The following B3GALT1 variants were observed in gnomAD, a reference collection of about 807,000 sequenced individuals.
B3GALT1 encodes beta-1,3-galactosyltransferase 1.
In B3GALT1, 10 loss-of-function variants were observed where a neutral mutation model predicts 23.2. The observed-to-expected ratio is 0.43, with a 90% CI of 0.27 to 0.73. The LOEUF (loss-of-function observed/expected upper bound fraction) is 0.73, where lower values mean the gene tolerates loss of function less well. Among genes scored for constraint, B3GALT1 ranks in the 30% least tolerant of loss-of-function variants. B3GALT1 has a pLI of 0.21. For synonymous variants in B3GALT1, 156 were observed against 141.5 expected (o/e 1.10, Z -0.73); for missense variants, 299 against 405.4 (o/e 0.74, Z 2.25).
intron 4 of B3GALT1, among the ~76,000 whole-genome samples, chr2:167,833,991 A>G (rs759015848): frequency 5.9e-5 from 9 of 152,204 alleles, no homozygotes; most frequent in Non-Finnish European, 7.3e-5. Flanking sequence ...AACAAGCTCA[A>G]TGTTGTTGGA....
chr2:167,446,656 G>T (rs1699000123), intron 1 of B3GALT1, among the ~76,000 whole-genome samples: 1 of 152,106 alleles, frequency 6.6e-6, no homozygotes, highest in African/African-American at 2.4e-5. Context: ...GATCAAATCG[G>T]CTACTGAAGC....
chr2:167,551,472 G>C (rs924312782), intron 2 of B3GALT1, among the ~76,000 whole-genome samples: 18 of 152,148 alleles, frequency 1.2e-4, no homozygotes, highest in African/African-American at 4.3e-4. Context: ...TCACATTTTA[G>C]TCTTCATGGA....
chr2:167,705,983 A>C (rs912294401), intron 3 of B3GALT1, among the ~76,000 whole-genome samples: 1 of 152,226 alleles, frequency 6.6e-6, no homozygotes, highest in African/African-American at 2.4e-5. Context: ...TAGAGGCAAG[A>C]GGACCCATAC....
At chr2:167,485,906 A>C (rs530053893) in intron 1 of B3GALT1, among the ~76,000 whole-genome samples, 1 of 152,208 alleles carries the variant, frequency 6.6e-6, no homozygotes. Flanking sequence ...TTGTCTTAGC[A>C]TTAGATACAA....
intron 2 of B3GALT1, among the ~76,000 whole-genome samples, chr2:167,589,698 T>A (rs1684642321): frequency 6.6e-6 from 1 of 152,140 alleles, no homozygotes; most frequent in Admixed American, 6.5e-5. Flanking sequence ...GGATTTTTAT[T>A]AGGCTACATT....
intron 1 of B3GALT1, among the ~76,000 whole-genome samples, chr2:167,293,894 G>A (rs1312634313): frequency 6.9e-6 from 1 of 144,504 alleles, no homozygotes; most frequent in Non-Finnish European, 1.5e-5. Flanking sequence ...AAAAGTAACT[G>A]TTGGTCCACA....
At chr2:167,441,517 A>G (rs1416397820) in intron 1 of B3GALT1, among the ~76,000 whole-genome samples, 2 of 152,096 alleles carry the variant, frequency 1.3e-5, no homozygotes, top group Admixed American at 6.5e-5. Flanking sequence ...CTTACATTTT[A>G]TATGGTTTCT....
intron 4 of B3GALT1, among the ~76,000 whole-genome samples, chr2:167,839,784 C>A (rs1442362409): frequency 6.6e-6 from 1 of 152,140 alleles, no homozygotes; most frequent in Non-Finnish European, 1.5e-5. Flanking sequence ...AACTATACTA[C>A]AAGGCTACAG....
chr2:167,568,524 A>C (rs989232198), intron 2 of B3GALT1, among the ~76,000 whole-genome samples: 1 of 152,002 alleles, frequency 6.6e-6, no homozygotes, highest in Non-Finnish European at 1.5e-5. Flanking sequence ...ATTGCTCTTG[A>C]ATGTCTTCTT....
intron 2 of B3GALT1, among the ~76,000 whole-genome samples, chr2:167,638,745 G>A (rs1685602613): frequency 6.6e-6 from 1 of 151,878 alleles, no homozygotes; most frequent in Admixed American, 6.6e-5. Flanking sequence ...CTATATTCAT[G>A]GTAAATAAGA....
At chr2:167,825,437 G>GGTGT (rs111721100) in intron 4 of B3GALT1, among the ~76,000 whole-genome samples, 24,062 of 144,446 alleles carry the variant, frequency 0.17, 2,111 homozygotes, top group Middle Eastern at 0.23. Flanking sequence ...TATATGCAGG[G>GGTGT]GTGTGTGTGT....
At chr2:167,865,664 T>C (rs983668319) in intron 4 of B3GALT1, among the ~76,000 whole-genome samples, 12 of 151,632 alleles carry the variant, frequency 7.9e-5, no homozygotes, top group African/African-American at 2.4e-4. Context: ...TGGTGGCGGG[T>C]GCCTGTAGTC....
At chr2:167,584,447 C>T (rs1183183393) in intron 2 of B3GALT1, among the ~76,000 whole-genome samples, 1 of 152,198 alleles carries the variant, frequency 6.6e-6, no homozygotes, top group Non-Finnish European at 1.5e-5. Flanking sequence ...CAGTCATACA[C>T]TTCTGACATC....
chr2:167,628,768 G>C (rs773642423), intron 2 of B3GALT1, among the ~76,000 whole-genome samples: 20 of 151,686 alleles, frequency 1.3e-4, no homozygotes, highest in Non-Finnish European at 2.7e-4. Flanking sequence ...GGAGCAAGCT[G>C]TCAGGCTTCC....
intron 1 of B3GALT1, among the ~76,000 whole-genome samples, chr2:167,417,258 G>A (rs1003156861): frequency 5.3e-5 from 8 of 152,048 alleles, no homozygotes; most frequent in Admixed American, 4.6e-4. Flanking sequence ...AGGATTAATC[G>A]ATTAATGGAT....
chr2:167,446,774 T>C lies in B3GALT1; in HGVS notation c.-510-43403T>C, dbSNP rs115845876. ...AGTTAGCCATTTGTCTAATCTCTTC[T>C]CACAGTTTTTAGCCTCTTTGCGTTG... is the stretch of plus-strand genomic sequence containing the variant. On this transcript the variant is annotated intron_variant, in intron 1 of 4. Transcript: ENST00000392690. Among the ~76,000 whole-genome samples the C allele has an allele frequency of 5.6e-3, 846 of 152,298 alleles. 9 individuals are homozygous for C. Among genetic ancestry groups the C allele is most frequent in the African/African-American group, 0.019 (810 of 41,568 alleles).
chr2:167,500,234 T>G (rs1317850499), intron 2 of B3GALT1, among the ~76,000 whole-genome samples: 1 of 152,104 alleles, frequency 6.6e-6, no homozygotes, highest in Non-Finnish European at 1.5e-5. Context: ...TTGAACAAAT[T>G]GAAAACCAGA....
At chr2:167,717,192 TTTTC>T (rs1264961815) in intron 3 of B3GALT1, among the ~76,000 whole-genome samples, 2 of 136,864 alleles carry the variant, frequency 1.5e-5, no homozygotes, top group African/African-American at 2.5e-5. Context: ...CCTATCTATT[TTTTC>T]TTTCTTTCTT....
At chr2:167,698,008 A>G (rs1686812981) in intron 3 of B3GALT1, among the ~76,000 whole-genome samples, 1 of 152,202 alleles carries the variant, frequency 6.6e-6, no homozygotes, top group African/African-American at 2.4e-5. Flanking sequence ...TTGGAAATGT[A>G]TTTATTTTCT....
Sources: allele counts gnomAD v4.1 joint callset (sites outside exome capture counted in the v4.1 genomes callset), GRCh38; gene constraint gnomAD v4.1.1; transcripts MANE v1.5; gene names NCBI Gene and HGNC (gene_info 2026-07-23, HGNC 2026-07-21).